Variants in CTPS2 observed in about 807,000 individuals in gnomAD.
The protein encoded by CTPS2 is CTP synthase 2, also known as CTP synthase II.
In CTPS2, 19 loss-of-function variants were observed where a neutral mutation model predicts 46.8. The observed-to-expected ratio is 0.41, with a 90% CI of 0.28 to 0.60. The LOEUF is 0.60. Ranked by LOEUF, CTPS2 falls within the 20% of genes least tolerant of loss-of-function variation. The probability of loss-of-function intolerance (pLI) is 0.35; values close to 1 mark genes in which losing one functional copy is unlikely to be tolerated. For missense variants in CTPS2, 286 were observed against 447.6 expected, an observed-to-expected ratio of 0.64 and a Z score of 3.26; for synonymous variants, 151 against 165.2, an observed-to-expected ratio of 0.91 and a Z score of 0.66.
intron 2 of CTPS2, among the ~76,000 whole-genome samples, chrX:16,699,838 T>C (rs376447680): frequency 1.8e-5 from 2 of 112,633 alleles, no homozygotes; most frequent in East Asian, 5.5e-4. Context: ...ATATCCTAAT[T>C]TATTTATCCA....
intron 17 of CTPS2, among the ~76,000 whole-genome samples, chrX:16,593,684 G>A (rs755111567): frequency 1.9e-4 from 21 of 108,400 alleles, no homozygotes; most frequent in African/African-American, 6.7e-4. Context: ...CAGCGTAGGT[G>A]GTGGCGGGGG....
intron 8 of CTPS2, among the ~76,000 whole-genome samples, chrX:16,687,474 CAAAAAAAAAAA>C (rs35798035): frequency 2.3e-5 from 1 of 44,421 alleles, no homozygotes; most frequent in South Asian, 1.6e-3. Context: ...CACCCTGTGT[CAAAAAAAAAAA>C]AAAAAAAAAG....
chrX:16,596,535 T>C (rs905306385), intron 17 of CTPS2, among the ~76,000 whole-genome samples: 1 of 110,406 alleles, frequency 9.1e-6, no homozygotes, highest in African/African-American at 3.3e-5. Flanking sequence ...TCATTTTTTA[T>C]GGCTGCATAG....
At chrX:16,601,068 T>C (rs995541673) in intron 17 of CTPS2, among the ~76,000 whole-genome samples, 1 of 111,393 alleles carries the variant, frequency 9.0e-6, no homozygotes. Context: ...AAGTAAAATA[T>C]TTTTGCACCA....
At chrX:16,676,930 G>A (rs752894057) in intron 10 of CTPS2, among the ~76,000 whole-genome samples, 5 of 110,197 alleles carry the variant, frequency 4.5e-5, no homozygotes, top group East Asian at 5.7e-4. Flanking sequence ...ATGGTAGCGC[G>A]TGCCTGTAAT....
At chrX:16,614,941 C>A (rs1177481138) in intron 16 of CTPS2, among the ~76,000 whole-genome samples, 1 of 112,346 alleles carries the variant, frequency 8.9e-6, no homozygotes, top group East Asian at 2.8e-4. Context: ...CTTTGGGAGG[C>A]CAAGGCAGGC....
chrX:16,648,233 T>C lies in CTPS2; in HGVS notation c.1297-8990A>G. Among the ~76,000 whole-genome samples the C allele has an allele frequency of 2.7e-5, 3 of 112,436 alleles. No homozygotes were observed. In the East Asian group the frequency reaches 8.3e-4, roughly 31 times the overall value. ...AATTGGAGAGATTTGACGTGGGCTA[T>C]GATAATGGCATTGTGGTTACATAGG... On this transcript the variant is annotated intron_variant, in intron 13 of 18. Transcript: ENST00000359276.
At chrX:16,612,619 T>G (rs1015647814) in intron 16 of CTPS2, among the ~76,000 whole-genome samples, 1 of 112,514 alleles carries the variant, frequency 8.9e-6, no homozygotes, top group African/African-American at 3.2e-5. Flanking sequence ...ATCCACACTT[T>G]AATTCTAAAT....
chrX:16,675,106 A>C (rs1197763151), intron 10 of CTPS2, among the ~76,000 whole-genome samples: 1 of 109,309 alleles, frequency 9.1e-6, no homozygotes, highest in African/African-American at 3.3e-5. Flanking sequence ...TCTCTACAAA[A>C]ATGCAAAAAA....
chrX:16,609,507 CT>C (rs1930155461), intron 17 of CTPS2, 33 bp downstream of exon 17: 2 of 1,196,481 alleles, frequency 1.7e-6, no homozygotes, highest in African/African-American at 1.7e-5. Flanking sequence ...AACTATGCAT[CT>C]TGGTTTATTG....
At chrX:16,601,182 G>A (rs1267530592) in intron 17 of CTPS2, among the ~76,000 whole-genome samples, 1 of 111,455 alleles carries the variant, frequency 9.0e-6, no homozygotes, top group Non-Finnish European at 1.9e-5. Context: ...TTCAAGCAGT[G>A]CTGGAAACAG....
At chrX:16,650,158 A>T (rs1323603392) in intron 13 of CTPS2, 1 of 112,145 alleles carries the variant, frequency 8.9e-6, no homozygotes, top group Non-Finnish European at 1.9e-5. Context: ...TCAGCTCTTC[A>T]AACTCCTCTT....
chrX:16,626,717 A>G (rs1040011025), intron 14 of CTPS2, among the ~76,000 whole-genome samples: 2 of 110,791 alleles, frequency 1.8e-5, no homozygotes, highest in African/African-American at 6.6e-5. Flanking sequence ...TGTTCCTGTG[A>G]CTTTACAGAA....
intron 14 of CTPS2, among the ~76,000 whole-genome samples, chrX:16,628,580 G>T (rs1350237419): frequency 9.0e-6 from 1 of 110,866 alleles, no homozygotes; most frequent in Non-Finnish European, 1.9e-5. Flanking sequence ...TGGCCAGGCT[G>T]GTCTCAAAGT....
In CTPS2 at chrX:16,690,804, A is replaced by G. The variant is rs186680819; in HGVS notation, c.720+736T>C. 1.2e-4 allele frequency among the ~76,000 whole-genome samples: 13 copies of G among 112,317 alleles called. No homozygotes were observed. In the East Asian group the frequency reaches 2.8e-3, roughly 24 times the overall value. On this transcript the variant is annotated intron_variant, in intron 7 of 18. Coordinates refer to ENST00000359276, the MANE Select transcript of CTPS2 (RefSeq NM_175859.3). Reference sequence around the variant, plus strand: ...AGAGAACCTAAGCCCAAATCACAGTACAGTTTCTGTACCAATGAAGTCAAC... The same window carrying G: ...AGAGAACCTAAGCCCAAATCACAGTGCAGTTTCTGTACCAATGAAGTCAAC...
chrX:16,598,382 A>C (rs1412420096), intron 17 of CTPS2, among the ~76,000 whole-genome samples: 1 of 111,778 alleles, frequency 8.9e-6, no homozygotes, highest in Non-Finnish European at 1.9e-5. Context: ...GGATATCACC[A>C]CCGATCCCAC....
chrX:16,598,297 T>A (rs1449300275), intron 17 of CTPS2, among the ~76,000 whole-genome samples: 1 of 110,332 alleles, frequency 9.1e-6, no homozygotes, highest in Non-Finnish European at 1.9e-5. Flanking sequence ...TCAACAAAAT[T>A]GATAGACCAC....
intron 14 of CTPS2, among the ~76,000 whole-genome samples, chrX:16,637,428 A>C (rs2147237395): frequency 9.0e-6 from 1 of 111,058 alleles, no homozygotes; most frequent in Admixed American, 9.5e-5. Flanking sequence ...CATGTTGCCA[A>C]GGCTGGTCTT....
In CTPS2 at chrX:16,693,479, G is replaced by T. The variant is rs143532119; in HGVS notation, c.447C>A (p.Gly149=). The T allele has an allele frequency of 6.8e-5, 80 of 1,182,875 alleles. No homozygotes were observed. In the African/African-American group the frequency reaches 1.3e-3, roughly 19 times the overall value. ...EPQICVIELG[G]TIGDIEGMPF... ...GCATTCCTTCGATGTCTCCAATGGT[G>T]CCTCCCAGCTGGGAATGGAAAACAA... Residue 149 remains glycine, a synonymous_variant, in exon 5 of 19, where the codon GGC becomes GGA. Transcript: ENST00000359276.
Sources: gnomAD v4.1 joint callset for allele counts (sites outside exome capture counted in the v4.1 genomes callset) on GRCh38, gnomAD v4.1.1 for gene constraint, MANE v1.5 for transcripts, NCBI Gene and HGNC (gene_info 2026-07-23, HGNC 2026-07-21) for gene names.